ACSM2A: variants seen among roughly 807,000 people sequenced by gnomAD.
ACSM2A encodes acyl-CoA synthetase medium chain family member 2A, also known as acyl-coenzyme A synthetase ACSM2A, mitochondrial.
A neutral mutation model predicts 76.6 loss-of-function variants in ACSM2A; 72 were observed. That is an observed-to-expected ratio of 0.94 (90% confidence interval 0.78 to 1.14). The LOEUF (loss-of-function observed/expected upper bound fraction) is 1.14. Ranked by LOEUF, ACSM2A falls within the 50% of genes most tolerant of loss-of-function variation. The pLI is 0.00. For missense variants in ACSM2A, 684 were observed against 708.5 expected, an observed-to-expected ratio of 0.97 and a Z score of 0.39; for synonymous variants, 249 against 255.9, an observed-to-expected ratio of 0.97 and a Z score of 0.26.
chr16:20,478,574 A>C lies in ACSM2A; in HGVS notation c.1180-2A>C, dbSNP rs770882216. 1.2e-5 allele frequency: 20 copies of C among 1,612,754 alleles called. No individual in the cohort carries two copies. In the African/African-American group the frequency reaches 1.5e-4, roughly 12 times the overall value. On this transcript the variant is annotated splice_acceptor_variant, in intron 9 of 13. Coordinates refer to ENST00000573854, the MANE Select transcript of ACSM2A (RefSeq NM_001308172.2). LOFTEE classifies it high-confidence loss of function. ...ATTCTTCCAATCTGCTTCTTTCTCC[A>C]GATCATAGATGATAAGGGCAACGTC... is the stretch of plus-strand genomic sequence containing the variant.
At chr16:20,470,173 T>C (rs1350484839) in intron 4 of ACSM2A, among the ~76,000 whole-genome samples, 11 of 152,076 alleles carry the variant, frequency 7.2e-5, no homozygotes, top group Non-Finnish European at 1.6e-4. Flanking sequence ...GGAAACAACA[T>C]GATGTTAACA....
intron 3 of ACSM2A, among the ~76,000 whole-genome samples, chr16:20,466,835 G>A (rs980664828): frequency 1.3e-5 from 2 of 152,132 alleles, no homozygotes; most frequent in African/African-American, 4.8e-5. Context: ...AAATTGGGGA[G>A]GTTACAAATC....
chr16:20,467,581 G>T (rs1156763805), intron 3 of ACSM2A, among the ~76,000 whole-genome samples: 5 of 152,140 alleles, frequency 3.3e-5, no homozygotes, highest in African/African-American at 9.7e-5. Flanking sequence ...TAATAACAGG[G>T]TTATTCAAAG....
chr16:20,465,517 G>T lies in ACSM2A; in HGVS notation c.178G>T (p.Ala60Ser), dbSNP rs750212713. ...ATCAACAGGGCTTCTCTTTCCTCAG[G>T]CTGGCAAGCGACTCCCAAGCCCAGC... is the stretch of plus-strand genomic sequence containing the variant. ...VLDHWADMEK[A>S]GKRLPSPALW... Residue 60 changes from alanine (A) to serine (S), a missense_variant and splice_region_variant, in exon 3 of 14, where the codon GCT (alanine) becomes TCT (serine). Physicochemically the swap from Ala to Ser is moderately conservative, Grantham distance 99. Coordinates refer to ENST00000573854, the MANE Select transcript of ACSM2A (RefSeq NM_001308172.2). 5 of 1,613,724 alleles carry T rather than the reference G, an allele frequency of 3.1e-6. No individual in the cohort carries two copies. The highest frequency in any genetic ancestry group is 1.3e-5 in the African/African-American group (1 of 74,908).
chr16:20,474,110 A>C, intron 6 of ACSM2A: 1 of 440,482 alleles, frequency 2.3e-6, no homozygotes, highest in South Asian at 1.6e-5. Context: ...CCTAAAATGT[A>C]TAAAACCAAG....
chr16:20,478,476 GCAAGAGGGT>G, intron 9 of ACSM2A, 91 bp from the exon 10 acceptor site: 1 of 1,410,732 alleles, frequency 7.1e-7, no homozygotes, highest in Non-Finnish European at 9.6e-7. Context: ...CTCCACTAGA[GCAAGAGGGT>G]CTTTCATTTG....
At chr16:20,458,905 C>CATATATATATATATATAT (rs72108144) in intron 1 of ACSM2A, among the ~76,000 whole-genome samples, 5 of 74,880 alleles carry the variant, frequency 6.7e-5, no homozygotes, top group East Asian at 1.1e-3. Flanking sequence ...TATATATATG[C>CATATATATATATATATAT]ATATATATAT....
In ACSM2A at chr16:20,469,633, G is replaced by T; in HGVS notation, c.510G>T (p.Val170=). ...AAGTCATCCAAGAAGTGGACACAGT[G>T]GCATCTGAATGTCCTTCTCTGAGAA... ...GDEVIQEVDT[V]ASECPSLRIK... Residue 170 remains valine, a synonymous_variant, in exon 4 of 14, where the codon GTG becomes GTT. Transcript: ENST00000573854. 3 of 1,613,874 alleles carry T rather than the reference G, an allele frequency of 1.9e-6. No homozygotes were observed. The highest frequency in any genetic ancestry group is 2.5e-6 in the Non-Finnish European group (3 of 1,179,834).
intron 1 of ACSM2A, among the ~76,000 whole-genome samples, chr16:20,458,917 T>TATATATATATGCATATATATATA (rs2012417566): frequency 1.6e-5 from 1 of 62,498 alleles, no homozygotes; most frequent in African/African-American, 8.8e-5. Context: ...TATATATATA[T>TATATATATATGCATATATATATA]ATATATATAT....
At chr16:20,467,299 T>A (rs1306006928) in intron 3 of ACSM2A, among the ~76,000 whole-genome samples, 1 of 152,042 alleles carries the variant, frequency 6.6e-6, no homozygotes, top group Non-Finnish European at 1.5e-5. Context: ...GTTGTGGACA[T>A]TTATCCAGTG....
At chr16:20,486,211 C>T (rs2014375418) in intron 13 of ACSM2A, among the ~76,000 whole-genome samples, 2 of 152,224 alleles carry the variant, frequency 1.3e-5, no homozygotes, top group Non-Finnish European at 2.9e-5. Flanking sequence ...CCATCTTACT[C>T]AGTGGGAAAA....
At chr16:20,478,176 T>C (rs1219240327) in intron 9 of ACSM2A, among the ~76,000 whole-genome samples, 1 of 152,232 alleles carries the variant, frequency 6.6e-6, no homozygotes, top group African/African-American at 2.4e-5. Context: ...ATCTGTTTTA[T>C]GGGCGAAAGC....
rs1417876876 is a variant in ACSM2A, at chr16:20,469,601, GGGGATGAAGT to G, written c.479_488del (p.Gly160AlafsTer15). ...GTCTAAGGCCAAGGCTATTGTTGCT[GGGGATGAAGT>G]CATCCAAGAAGTGGACACAGTGGCA... On this transcript the variant is annotated frameshift_variant, in exon 4 of 14. Coordinates refer to ENST00000573854, the MANE Select transcript of ACSM2A (RefSeq NM_001308172.2). LOFTEE classifies it high-confidence loss of function. 1 of 1,613,798 alleles carries G rather than the reference GGGGATGAAGT, an allele frequency of 6.2e-7. No homozygotes were observed. Among genetic ancestry groups the G allele is most frequent in the East Asian group, 2.2e-5 (1 of 44,878 alleles).
intron 3 of ACSM2A, among the ~76,000 whole-genome samples, chr16:20,466,019 A>G (rs1394201266): frequency 3.9e-5 from 6 of 152,206 alleles, no homozygotes; most frequent in Non-Finnish European, 7.3e-5. Context: ...CAGAATTATG[A>G]TAATTGGTAT....
At chr16:20,486,268 T>C (rs532881132) in intron 13 of ACSM2A, among the ~76,000 whole-genome samples, 19 of 152,342 alleles carry the variant, frequency 1.2e-4, no homozygotes, top group Admixed American at 9.8e-4. Context: ...AGATGATTGG[T>C]AGAGGAGGAG....
At chr16:20,483,420 A>C (rs1220279091) in intron 13 of ACSM2A, among the ~76,000 whole-genome samples, 1 of 151,462 alleles carries the variant, frequency 6.6e-6, no homozygotes, top group Non-Finnish European at 1.5e-5. Flanking sequence ...AAATGCAAAA[A>C]TTAGCCCGGT....
At chr16:20,483,714 G>T (rs1596681809) in intron 13 of ACSM2A, among the ~76,000 whole-genome samples, 1 of 149,678 alleles carries the variant, frequency 6.7e-6, no homozygotes, top group African/African-American at 2.4e-5. Flanking sequence ...AAGGGAATAA[G>T]TTCTAGCCAG....
rs748455504 is a variant in ACSM2A, at chr16:20,480,836, C to A, written c.1424C>A (p.Pro475His). ...IINSSGYRIG[P>H]SEVENALMEH... Reference sequence around the variant, plus strand: ...TTCTTCTGCAGGTACCGGATTGGACCCTCGGAGGTAGAGAATGCACTGATG... The same window carrying A: ...TTCTTCTGCAGGTACCGGATTGGACACTCGGAGGTAGAGAATGCACTGATG... Residue 475 changes from proline (P) to histidine (H), a missense_variant, in exon 12 of 14, where the codon CCC becomes CAC. Pro to His is a moderately conservative substitution (Grantham distance 77). This residue lies in a region of ACSM2A where 159 missense variants were observed against 132.5 expected (regional missense o/e 1.20). Transcript: ENST00000573854. The A allele has an allele frequency of 9.3e-6, 15 of 1,613,724 alleles. No individual in the cohort carries two copies. In the Admixed American group the frequency reaches 2.0e-4, roughly 22 times the overall value.
At chr16:20,475,038 TG>T (rs879435240) in intron 6 of ACSM2A, among the ~76,000 whole-genome samples, 2,181 of 152,262 alleles carry the variant, frequency 0.014, 21 homozygotes, top group Middle Eastern at 0.061. Context: ...CCTTAGTTGC[TG>T]GGGGGTGATC....
Sources: allele counts gnomAD v4.1 joint callset (sites outside exome capture counted in the v4.1 genomes callset), GRCh38; gene constraint gnomAD v4.1.1; regional missense constraint gnomAD v4.1.1; transcripts MANE v1.5; gene names NCBI Gene and HGNC (gene_info 2026-07-23, HGNC 2026-07-21).